Variants in ADGRL3 observed in about 807,000 individuals in gnomAD.
The protein encoded by ADGRL3 is calcium-independent alpha-latrotoxin receptor 3.
A neutral mutation model predicts 153.5 loss-of-function variants in ADGRL3; 62 were observed. The ratio of observed to expected loss-of-function variants is 0.40; its 90% confidence interval spans 0.33 to 0.50. The LOEUF (loss-of-function observed/expected upper bound fraction) is 0.50, where lower values mean the gene tolerates loss of function less well. Among genes scored for constraint, ADGRL3 ranks in the 20% least tolerant of loss-of-function variants. The pLI is 0.47. For missense variants in ADGRL3, 1,641 were observed against 1,859.4 expected, an observed-to-expected ratio of 0.88 and a Z score of 2.16; for synonymous variants, 710 against 672.5, an observed-to-expected ratio of 1.06 and a Z score of -0.86.
chr4:61,402,653 C>G (rs2096943693), intron 2 of ADGRL3, among the ~76,000 whole-genome samples: 1 of 152,024 alleles, frequency 6.6e-6, no homozygotes, highest in Non-Finnish European at 1.5e-5. Context: ...AAGAAATGAA[C>G]TGGGTATGTC....
intron 2 of ADGRL3, among the ~76,000 whole-genome samples, chr4:61,455,838 C>T (rs144818205): frequency 6.6e-6 from 1 of 152,032 alleles, no homozygotes; most frequent in East Asian, 1.9e-4. Flanking sequence ...TATTTGGAAA[C>T]AGAGTCTCAC....
chr4:62,006,208 GTA>G (rs1327605648), intron 21 of ADGRL3, among the ~76,000 whole-genome samples: 2 of 151,022 alleles, frequency 1.3e-5, no homozygotes, highest in African/African-American at 4.9e-5. Flanking sequence ...CTAATTTTTT[GTA>G]TTTTTAGTAG....
intron 2 of ADGRL3, among the ~76,000 whole-genome samples, chr4:61,440,679 A>T (rs1193399882): frequency 4.8e-5 from 1 of 20,850 alleles, no homozygotes; most frequent in African/African-American, 5.7e-5. Context: ...AATGCACATG[A>T]TACATCACAG....
At chr4:61,280,184 A>C (rs1477815188) in intron 1 of ADGRL3, among the ~76,000 whole-genome samples, 1 of 138,268 alleles carries the variant, frequency 7.2e-6, no homozygotes, top group African/African-American at 2.8e-5. Context: ...ATCTCAGCTC[A>C]CTGCAACCTC....
chr4:61,347,890 G>T (rs1368813239), intron 1 of ADGRL3, among the ~76,000 whole-genome samples: 3 of 151,932 alleles, frequency 2.0e-5, no homozygotes, highest in Non-Finnish European at 4.4e-5. Context: ...TATTCTTTCT[G>T]AATCTATCTA....
At chr4:61,239,496 A>G (rs762768617) in intron 1 of ADGRL3, among the ~76,000 whole-genome samples, 4 of 152,072 alleles carry the variant, frequency 2.6e-5, no homozygotes, top group Non-Finnish European at 4.4e-5. Context: ...ATTTGTTACT[A>G]TGGATGTTAC....
intron 2 of ADGRL3, among the ~76,000 whole-genome samples, chr4:61,431,271 C>T: frequency 6.6e-6 from 1 of 152,304 alleles, no homozygotes; most frequent in South Asian, 2.1e-4. Flanking sequence ...AACAATCCTT[C>T]TATAAAATAG....
At chr4:61,705,091 T>C (rs571071755) in intron 6 of ADGRL3, among the ~76,000 whole-genome samples, 1 of 152,262 alleles carries the variant, frequency 6.6e-6, no homozygotes, top group South Asian at 2.1e-4. Context: ...GAATTACAAA[T>C]GTTTGTAATA....
intron 9 of ADGRL3, among the ~76,000 whole-genome samples, chr4:61,847,832 TATATATATAATATAAAATATA>T (rs1428914561): frequency 4.5e-4 from 6 of 13,386 alleles, no homozygotes; most frequent in African/African-American, 1.1e-3. Flanking sequence ...TAATATAAAA[TATATATATAATATAAAATATA>T]TTATATATAA....
At chr4:62,066,045 T>C (rs1353169899) in intron 25 of ADGRL3, among the ~76,000 whole-genome samples, 1 of 152,066 alleles carries the variant, frequency 6.6e-6, no homozygotes, top group Non-Finnish European at 1.5e-5. Context: ...TATTAATGTT[T>C]TCCAGAGTCA....
At chr4:61,757,846 A>G (rs938278540) in intron 8 of ADGRL3, among the ~76,000 whole-genome samples, 1 of 152,174 alleles carries the variant, frequency 6.6e-6, no homozygotes, top group Non-Finnish European at 1.5e-5. Flanking sequence ...ATTTCAAAGA[A>G]CATCTTTATT....
At chr4:61,351,569 C>T (rs193239531) in intron 1 of ADGRL3, among the ~76,000 whole-genome samples, 140 of 152,258 alleles carry the variant, frequency 9.2e-4, no homozygotes, top group Admixed American at 1.5e-3. Flanking sequence ...GGGGCTAATG[C>T]AGCTGATGTC....
At chr4:61,839,775 C>T (rs2097998764) in intron 9 of ADGRL3, among the ~76,000 whole-genome samples, 1 of 150,350 alleles carries the variant, frequency 6.7e-6, no homozygotes, top group African/African-American at 2.4e-5. Context: ...CTCTGCCCAC[C>T]CCTCCCCCCG....
intron 17 of ADGRL3, among the ~76,000 whole-genome samples, chr4:61,966,439 G>A (rs1476836179): frequency 1.3e-5 from 2 of 152,126 alleles, no homozygotes; most frequent in Non-Finnish European, 2.9e-5. Flanking sequence ...GACTCTGTAA[G>A]AATGATAAAG....
chr4:62,010,955 T>G (rs919444311), intron 21 of ADGRL3, among the ~76,000 whole-genome samples: 5 of 152,186 alleles, frequency 3.3e-5, no homozygotes, highest in Admixed American at 6.5e-5. Context: ...TTCATATCTT[T>G]AATGATATTT....
intron 2 of ADGRL3, among the ~76,000 whole-genome samples, chr4:61,408,018 C>T (rs1052077349): frequency 2.6e-5 from 4 of 152,022 alleles, no homozygotes; most frequent in African/African-American, 9.7e-5. Flanking sequence ...TACGTCATTT[C>T]TGAAATGAGA....
chr4:61,908,049 C>T (rs942900249), intron 11 of ADGRL3, among the ~76,000 whole-genome samples: 151 of 152,206 alleles, frequency 9.9e-4, no homozygotes, highest in African/African-American at 3.4e-3. Flanking sequence ...AACAACTATA[C>T]TCTCAGTGTT....
intron 1 of ADGRL3, among the ~76,000 whole-genome samples, chr4:61,241,095 A>G (rs1422619687): frequency 2.6e-5 from 4 of 152,024 alleles, no homozygotes; most frequent in Non-Finnish European, 4.4e-5. Flanking sequence ...ACACACATAC[A>G]TATAAAACAT....
intron 2 of ADGRL3, among the ~76,000 whole-genome samples, chr4:61,400,442 G>A (rs1312049634): frequency 6.6e-6 from 1 of 151,770 alleles, no homozygotes; most frequent in African/African-American, 2.4e-5. Context: ...TAGAGGTGAT[G>A]AAAAGTGAAC....
Sources: gnomAD v4.1 joint callset for allele counts (sites outside exome capture counted in the v4.1 genomes callset) on GRCh38, gnomAD v4.1.1 for gene constraint, MANE v1.5 for transcripts, NCBI Gene and HGNC (gene_info 2026-07-23, HGNC 2026-07-21) for gene names.